The following STT3B variants were observed in gnomAD, a reference collection of about 807,000 sequenced individuals.
The protein encoded by STT3B is STT3 oligosaccharyltransferase complex catalytic subunit B.
A neutral mutation model predicts 96.8 loss-of-function variants in STT3B; 29 were observed. The observed-to-expected ratio is 0.30, with a 90% CI of 0.22 to 0.41. STT3B has a LOEUF of 0.41. Ranked by LOEUF, STT3B falls within the 10% of genes least tolerant of loss-of-function variation. STT3B has a pLI of 1.00. For synonymous variants in STT3B, 367 were observed against 360.0 expected (o/e 1.02, Z -0.22); for missense variants, 640 against 1,022.3 (o/e 0.63, Z 5.10).
chr3:31,544,750 C>T (rs1397110159), intron 1 of STT3B, among the ~76,000 whole-genome samples: 1 of 152,108 alleles, frequency 6.6e-6, no homozygotes, highest in Non-Finnish European at 1.5e-5. Flanking sequence ...ATCATGAGGT[C>T]AAGAGTTCCA....
chr3:31,557,990 A>G lies in STT3B; in HGVS notation c.315-18406A>G, dbSNP rs373127285. On this transcript the variant is annotated intron_variant, in intron 1 of 15. Transcript: ENST00000295770. ...TTCTCAGCTAGTTTGTCATTGACAT[A>G]TAAAAATGAATCAGTACATGATTTT... Among the ~76,000 whole-genome samples the G allele has an allele frequency of 3.2e-4, 48 of 152,378 alleles. 1 individual carries two copies. Among genetic ancestry groups the G allele is most frequent in the African/African-American group, 9.4e-4 (39 of 41,592 alleles).
chr3:31,566,878 G>T (rs1330854239), intron 1 of STT3B, among the ~76,000 whole-genome samples: 1 of 152,156 alleles, frequency 6.6e-6, no homozygotes, highest in African/African-American at 2.4e-5. Context: ...TCTATTTCCA[G>T]TGCCTAACAG....
At chr3:31,590,777 A>G (rs541296206) in intron 3 of STT3B, among the ~76,000 whole-genome samples, 1 of 152,216 alleles carries the variant, frequency 6.6e-6, no homozygotes, top group East Asian at 1.9e-4. Flanking sequence ...TCATAAACAT[A>G]TACTGTCTTT....
intron 9 of STT3B, among the ~76,000 whole-genome samples, chr3:31,621,336 C>T (rs1699423219): frequency 6.6e-6 from 1 of 152,048 alleles, no homozygotes; most frequent in Non-Finnish European, 1.5e-5. Flanking sequence ...GGCATGAGGA[C>T]ATATAAAAAT....
chr3:31,559,267 A>G (rs755687949), intron 1 of STT3B, among the ~76,000 whole-genome samples: 2 of 138,922 alleles, frequency 1.4e-5, no homozygotes, highest in Non-Finnish European at 3.1e-5. Context: ...GTTCTTTTCT[A>G]GCTCCTTGAG....
chr3:31,533,320 C>A lies in STT3B; in HGVS notation c.314+8C>A. 1 of 1,515,908 alleles carries A rather than the reference C, an allele frequency of 6.6e-7. No individual in the cohort carries two copies. The highest frequency in any genetic ancestry group is 8.8e-7 in the Non-Finnish European group (1 of 1,130,866). The allele number at this position is 1,515,908 out of a possible 1,614,324, so 93.9% of individuals were successfully genotyped here. A position where few individuals can be genotyped will look rare whatever the true frequency, so the allele number is the denominator to read the frequency against. The stretch of plus-strand genomic sequence containing the variant: ...CCACGAGTTCGACCCGTGGTAAGTG[C>A]CTCGCCGCCCCTCCCCCGCCCGTGG... On this transcript the variant is annotated splice_region_variant and intron_variant, in intron 1 of 15. Coordinates refer to ENST00000295770, the MANE Select transcript of STT3B (RefSeq NM_178862.3).
chr3:31,634,301 A>T (rs373154214), intron 15 of STT3B, among the ~76,000 whole-genome samples: 1 of 152,232 alleles, frequency 6.6e-6, no homozygotes, highest in African/African-American at 2.4e-5. Context: ...ATATCCAAGT[A>T]TAACTAAGGT....
chr3:31,546,398 G>C (rs1302042490), intron 1 of STT3B, among the ~76,000 whole-genome samples: 2 of 152,188 alleles, frequency 1.3e-5, no homozygotes, highest in African/African-American at 2.4e-5. Flanking sequence ...TGGGACCTCA[G>C]CTGGGGCTTT....
chr3:31,547,030 A>G (rs1322468684), intron 1 of STT3B, among the ~76,000 whole-genome samples: 1 of 152,196 alleles, frequency 6.6e-6, no homozygotes, highest in Admixed American at 6.5e-5. Flanking sequence ...CCTCCAAATA[A>G]TTGAGGCTTG....
chr3:31,544,072 TATC>T (rs956191494), intron 1 of STT3B, among the ~76,000 whole-genome samples: 3 of 152,234 alleles, frequency 2.0e-5, no homozygotes, highest in Admixed American at 6.5e-5. Flanking sequence ...GAATTGAAAT[TATC>T]ATTGCATACA....
intron 14 of STT3B, among the ~76,000 whole-genome samples, chr3:31,630,945 T>C (rs1465967271): frequency 1.3e-5 from 2 of 152,054 alleles, no homozygotes; most frequent in Non-Finnish European, 1.5e-5. Flanking sequence ...TGCAGGCGGC[T>C]GCCACCACAC....
intron 2 of STT3B, 61 bp from the exon 3 acceptor site, chr3:31,579,748 A>T: frequency 7.7e-7 from 1 of 1,297,316 alleles, no homozygotes; most frequent in East Asian, 2.5e-5. Context: ...AAGAGTACAT[A>T]CATTAATATT....
intron 1 of STT3B, among the ~76,000 whole-genome samples, chr3:31,549,127 A>G (rs1697488541): frequency 6.6e-6 from 1 of 152,164 alleles, no homozygotes; most frequent in African/African-American, 2.4e-5. Flanking sequence ...CCTGAGGCCT[A>G]AGGCTAAGTA....
chr3:31,552,842 G>A lies in STT3B; in HGVS notation c.314+19530G>A, dbSNP rs542021734. On this transcript the variant is annotated intron_variant, in intron 1 of 15. Transcript: ENST00000295770. ...AATAAGGCCGGGCACGGTGGCTCAC[G>A]CCTGTAATCCCAGCACTTTGGGAGG... Among the ~76,000 whole-genome samples, 8 of 152,206 alleles carry A rather than the reference G, an allele frequency of 5.3e-5. No homozygotes were observed. The East Asian group carries it at 7.7e-4, about 15-fold the overall frequency.
At chr3:31,543,328 A>G (rs73824175) in intron 1 of STT3B, among the ~76,000 whole-genome samples, 8,065 of 152,204 alleles carry the variant, frequency 0.053, 728 homozygotes, top group African/African-American at 0.18. Context: ...TGTTATGATT[A>G]TTTAAATTTT....
chr3:31,592,398 G>T (rs546864493), intron 3 of STT3B, among the ~76,000 whole-genome samples: 4 of 151,510 alleles, frequency 2.6e-5, no homozygotes, highest in East Asian at 3.9e-4. Context: ...TTTGAAAGTG[G>T]TTATACAAAT....
rs1467416140 is a variant in STT3B at position 31,633,128 on chromosome 3, A to C, written c.2381A>C (p.Gln794Pro). 1.2e-6 allele frequency: 2 copies of C among 1,613,920 alleles called. No individual in the cohort carries two copies. Among genetic ancestry groups the C allele is most frequent in the East Asian group, 2.2e-5 (1 of 44,838 alleles). ...CGAGTCACCAACATTTTCCCAAAAC[A>C]GAAGTATTTGTCAAAGAAGGTGGGT... ...KPRVTNIFPK[Q>P]KYLSKKTTKR... The change falls in exon 15 of 16, where the codon CAG becomes CCG. Residue 794 changes from glutamine (Q) to proline (P), a missense_variant. By Grantham distance (76) the Gln-to-Pro change is moderately conservative. This residue lies in a region of STT3B where 51 missense variants were observed against 64.2 expected (regional missense o/e 0.79). Transcript: ENST00000295770.
At chr3:31,609,279 TTTACTACTTCTTGATATG>T (rs1324303737) in intron 5 of STT3B, among the ~76,000 whole-genome samples, 1 of 152,200 alleles carries the variant, frequency 6.6e-6, no homozygotes, top group African/African-American at 2.4e-5. Flanking sequence ...GTATTTGTCT[TTTACTACTTCTTGATATG>T]TTAGGTATAG....
intron 5 of STT3B, among the ~76,000 whole-genome samples, chr3:31,601,256 T>A (rs564483984): frequency 1.3e-5 from 2 of 152,312 alleles, no homozygotes; most frequent in East Asian, 3.9e-4. Flanking sequence ...TGTGAATGTT[T>A]ATAGCAGCAT....
Sources: allele counts gnomAD v4.1 joint callset (sites outside exome capture counted in the v4.1 genomes callset), GRCh38; gene constraint gnomAD v4.1.1; regional missense constraint gnomAD v4.1.1; transcripts MANE v1.5; gene names NCBI Gene and HGNC (gene_info 2026-07-23, HGNC 2026-07-21).